ZCCHC8: variants seen among roughly 807,000 people sequenced by gnomAD.
ZCCHC8 encodes zinc finger CCHC domain-containing protein 8.
In ZCCHC8, 27 loss-of-function variants were observed where a neutral mutation model predicts 70.6. That is an observed-to-expected ratio of 0.38 (90% CI 0.28 to 0.53). ZCCHC8 has a LOEUF of 0.53. ZCCHC8 is among the 20% of genes least tolerant of loss of function. The pLI is 0.81. For missense variants in ZCCHC8, 737 were observed against 876.9 expected (o/e 0.84, Z 2.01); for synonymous variants, 293 against 317.4 (o/e 0.92, Z 0.82).
chr12:122,478,934 G>C (rs146143211), intron 11 of ZCCHC8, among the ~76,000 whole-genome samples: 57 of 152,260 alleles, frequency 3.7e-4, no homozygotes, highest in African/African-American at 1.3e-3. Context: ...AGCACTGATG[G>C]TTTGTATCAT....
At chr12:122,488,201 T>G (rs1328621619) in intron 5 of ZCCHC8, among the ~76,000 whole-genome samples, 1 of 152,086 alleles carries the variant, frequency 6.6e-6, no homozygotes, top group Non-Finnish European at 1.5e-5. Context: ...TTGGCTAATT[T>G]TTGTATTTTC....
intron 2 of ZCCHC8, among the ~76,000 whole-genome samples, chr12:122,496,440 A>C (rs1957827372): frequency 6.6e-6 from 1 of 152,168 alleles, no homozygotes; most frequent in South Asian, 2.1e-4. Flanking sequence ...TTGAACTCGG[A>C]TAAAAATCAC....
intron 5 of ZCCHC8, among the ~76,000 whole-genome samples, chr12:122,486,916 C>T (rs916706980): frequency 1.3e-4 from 20 of 152,186 alleles, no homozygotes; most frequent in African/African-American, 4.6e-4. Flanking sequence ...CTCACTAACC[C>T]ACTGGCGAGT....
At chr12:122,499,175 C>T in intron 1 of ZCCHC8, 1 of 418,298 alleles carries the variant, frequency 2.4e-6, no homozygotes, top group Non-Finnish European at 4.3e-6. Flanking sequence ...CTTTCAACAA[C>T]CACTATGTGA....
At chr12:122,485,412 C>G (rs1957614831) in intron 5 of ZCCHC8, among the ~76,000 whole-genome samples, 1 of 152,208 alleles carries the variant, frequency 6.6e-6, no homozygotes. Flanking sequence ...CTGCGCCTGG[C>G]CTAAGTTATC....
At position 122,500,806 on chromosome 12, in the gene ZCCHC8, A is replaced by T. The variant is rs1354953612; in HGVS notation, c.35T>A (p.Leu12His). ...AAEVYFGDLE[L>H]FEPFDHPEES... Reference sequence around the variant, plus strand: ...CTCTGGGTGGTCGAACGGCTCGAAGAGCTCTAGATCGCCAAAATACACCTC... The same window carrying T: ...CTCTGGGTGGTCGAACGGCTCGAAGTGCTCTAGATCGCCAAAATACACCTC... The change falls in exon 1 of 14, where the codon CTC becomes CAC. Residue 12 changes from leucine to histidine, a missense_variant. Physicochemically the swap from Leu to His is moderately conservative, Grantham distance 99 (BLOSUM62 -3). Transcript: ENST00000633063. The surrounding 1 kb of genome is among the most constrained non-coding windows in gnomAD (Gnocchi z 4.8). The T allele has an allele frequency of 1.3e-6, 2 of 1,580,314 alleles. No homozygotes were observed. The highest frequency in any genetic ancestry group is 3.7e-5 in the Admixed American group (2 of 54,518).
At position 122,478,292 on chromosome 12, in the gene ZCCHC8, C is replaced by A; in HGVS notation, c.1141G>T (p.Glu381Ter). ...GGTATGGAACCAAAGATCCTCCATT[C>A]CTAATGATGAAAAGAGAAGGAAAAA... ...NISTPRGIPD[E>*]WRIFGSIPMQ... The change falls in exon 12 of 14, where the codon GAA (glutamate) becomes TAA (stop). Residue 381 changes from glutamate (E) to a stop codon, truncating the protein, a stop_gained and splice_region_variant. Coordinates refer to ENST00000633063, the MANE Select transcript of ZCCHC8 (RefSeq NM_017612.5). LOFTEE classifies it high-confidence loss of function. 1 of 1,577,078 alleles carries A rather than the reference C, an allele frequency of 6.3e-7. No homozygotes were observed. The highest frequency in any genetic ancestry group is 8.6e-7 in the Non-Finnish European group (1 of 1,163,162).
chr12:122,488,531 A>AT (rs1957683294), intron 5 of ZCCHC8, among the ~76,000 whole-genome samples: 1 of 151,486 alleles, frequency 6.6e-6, no homozygotes, highest in African/African-American at 2.4e-5. Context: ...CATGAAAACC[A>AT]GTTTTCCTTC....
chr12:122,478,083 C>T (rs755488138), intron 12 of ZCCHC8, 123 bp downstream of exon 12: 25 of 1,217,082 alleles, frequency 2.1e-5, no homozygotes, highest in Non-Finnish European at 3.0e-5. Flanking sequence ...GTGAATTTTG[C>T]CACTGTTTTC....
chr12:122,493,478 T>C (rs1957780561), intron 2 of ZCCHC8, among the ~76,000 whole-genome samples: 1 of 152,124 alleles, frequency 6.6e-6, no homozygotes, highest in Non-Finnish European at 1.5e-5. Context: ...TGGATTGCAG[T>C]GGGGGCAATC....
Position 122,485,638 on chromosome 12 carries a change from T to C in ZCCHC8, c.502-2075A>G, listed in dbSNP as rs559962924. ...GCCCCCTCCAAACCTGCTCCTCCTC[T>C]AGTCTTCCCCATCAGAGAAAATATG... On this transcript the variant is annotated intron_variant, in intron 5 of 13. Transcript: ENST00000633063. 1.3e-4 allele frequency among the ~76,000 whole-genome samples: 19 copies of C among 151,774 alleles called. No homozygotes were observed. The South Asian group carries it at 2.5e-3, about 20-fold the overall frequency.
chr12:122,499,319 A>T (rs1957878953), intron 1 of ZCCHC8: 1 of 165,190 alleles, frequency 6.1e-6, no homozygotes, highest in Admixed American at 6.3e-5. Flanking sequence ...CCCAGGCTGG[A>T]GTGCAATGGT....
chr12:122,474,883 C>T (rs1446760901), intron 13 of ZCCHC8, among the ~76,000 whole-genome samples: 1 of 151,616 alleles, frequency 6.6e-6, no homozygotes, highest in Non-Finnish European at 1.5e-5. Context: ...TACAGTTGTG[C>T]ACCACCACGC....
rs112730267 is a variant in ZCCHC8 at position 122,485,890 on chromosome 12, C to T, written c.502-2327G>A. 4.7e-3 allele frequency among the ~76,000 whole-genome samples: 723 copies of T among 152,244 alleles called. 6 individuals are homozygous for T. Among genetic ancestry groups the T allele is most frequent in the South Asian group, 0.017 (80 of 4,826 alleles). On this transcript the variant is annotated intron_variant, in intron 5 of 13. Coordinates refer to ENST00000633063, the MANE Select transcript of ZCCHC8 (RefSeq NM_017612.5). Reference sequence around the variant, plus strand: ...CTCGGGCCAAAAACCTGAGTCACTCCGATGACTCTTTTGCTCTCATATTCT... The same window carrying T: ...CTCGGGCCAAAAACCTGAGTCACTCTGATGACTCTTTTGCTCTCATATTCT...
chr12:122,488,252 G>A (rs1383739716), intron 5 of ZCCHC8, among the ~76,000 whole-genome samples: 1 of 152,018 alleles, frequency 6.6e-6, no homozygotes, highest in Non-Finnish European at 1.5e-5. Flanking sequence ...GGCTGGTCTC[G>A]AACTCCTGAC....
rs767615811 is a variant in ZCCHC8, at chr12:122,482,043, C to T, written c.777G>A (p.Met259Ile). Reference sequence around the variant, plus strand: ...GATTGTTTGCTTCTCCACAGGCATCCATATACTCTTTTCTCTTTTCACTTA... The same window carrying T: ...GATTGTTTGCTTCTCCACAGGCATCTATATACTCTTTTCTCTTTTCACTTA... The part of the protein sequence containing the change: ...ARISEKRKEY[M>I]DACGEANNQN... The change falls in exon 9 of 14, where the codon ATG (methionine) becomes ATA (isoleucine). Residue 259 changes from methionine to isoleucine, a missense_variant. By Grantham distance (10) the Met-to-Ile change is conservative. Transcript: ENST00000633063. 1.2e-6 allele frequency: 2 copies of T among 1,612,256 alleles called. No homozygotes were observed. Among genetic ancestry groups the T allele is most frequent in the Admixed American group, 3.3e-5 (2 of 59,932 alleles).
At position 122,473,891 on chromosome 12, in the gene ZCCHC8, G is replaced by T. The variant is rs748005137; in HGVS notation, c.1730C>A (p.Thr577Lys). ...CTCTGGTACCTCAGGCTCATCCAGC[G>T]TCTGCTTTTCAGATGTTTTTCCCTC... Reference protein sequence around the residue: ...VPEGKTSEKQTLDEPEVPEIF... With the variant: ...VPEGKTSEKQKLDEPEVPEIF... Residue 577 changes from threonine (T) to lysine (K), a missense_variant, in exon 14 of 14, where the codon ACG becomes AAG. Thr to Lys is a moderately conservative substitution (Grantham distance 78). Transcript: ENST00000633063. 6.2e-7 allele frequency: 1 copy of T among 1,613,860 alleles called. No homozygotes were observed. The highest frequency in any genetic ancestry group is 8.5e-7 in the Non-Finnish European group (1 of 1,179,884).
chr12:122,477,790 CAAAAAAAA>C, intron 13 of ZCCHC8, 43 bp downstream of exon 13: 2 of 1,004,954 alleles, frequency 2.0e-6, no homozygotes, highest in Non-Finnish European at 1.4e-6. Context: ...GACTCCATCT[CAAAAAAAA>C]AAAAAAAAAA....
In ZCCHC8 at chr12:122,471,734, C is replaced by A. The variant is rs1348900334; in HGVS notation, c.*1763G>T. 3 of 152,146 alleles carry A rather than the reference C, an allele frequency of 2.0e-5. No individual in the cohort carries two copies. The highest frequency in any genetic ancestry group is 7.2e-5 in the African/African-American group (3 of 41,432). The allele number at this position is 152,146 out of a possible 1,614,324, so 9.4% of individuals were successfully genotyped here. A position where few individuals can be genotyped will look rare whatever the true frequency, so the allele number is the denominator to read the frequency against. On this transcript the variant is annotated 3_prime_UTR_variant, in exon 14 of 14. Coordinates refer to ENST00000633063, the MANE Select transcript of ZCCHC8 (RefSeq NM_017612.5). ...TTTCTCTCTTTATAATTTTCCTTTC[C>A]TTTATTCTTTACAGAACAGTAAATT...
Sources: allele counts gnomAD v4.1 joint callset (sites outside exome capture counted in the v4.1 genomes callset), GRCh38; gene constraint gnomAD v4.1.1; non-coding constraint Gnocchi (gnomAD v3.1); transcripts MANE v1.5; gene names NCBI Gene and HGNC (gene_info 2026-07-23, HGNC 2026-07-21).